SNPH: variants seen among roughly 807,000 people sequenced by gnomAD.
SNPH encodes the protein syntaphilin.
SNPH carries 10 observed loss-of-function variants against 36.8 expected under a neutral mutation model. That is an observed-to-expected ratio of 0.27 (90% CI 0.17 to 0.46). SNPH has a LOEUF of 0.46. Ranked by LOEUF, SNPH falls within the 20% of genes least tolerant of loss-of-function variation. SNPH has a pLI of 1.00. For synonymous variants in SNPH, 281 were observed against 312.2 expected (o/e 0.90, Z 1.05); for missense variants, 622 against 744.0 (o/e 0.84, Z 1.91).
At chr20:1,288,376 G>A (rs1350294989) in intron 2 of SNPH, among the ~76,000 whole-genome samples, 1 of 152,128 alleles carries the variant, frequency 6.6e-6, no homozygotes, top group South Asian at 2.1e-4. Flanking sequence ...CAGCTGAGAC[G>A]AACAGAGGTC....
intron 2 of SNPH, among the ~76,000 whole-genome samples, chr20:1,282,789 A>G (rs1015464930): frequency 6.6e-6 from 1 of 152,130 alleles, no homozygotes; most frequent in African/African-American, 2.4e-5. Context: ...TGCATGCACC[A>G]CTCAGTTCAG....
chr20:1,290,457 C>A (rs1298106773), intron 2 of SNPH, among the ~76,000 whole-genome samples: 1 of 152,194 alleles, frequency 6.6e-6, no homozygotes, highest in Non-Finnish European at 1.5e-5. Context: ...CCTTTCGTAT[C>A]TGGCTTCTTT....
intron 2 of SNPH, among the ~76,000 whole-genome samples, chr20:1,284,485 A>G (rs2088261715): frequency 6.6e-6 from 1 of 152,218 alleles, no homozygotes; most frequent in Non-Finnish European, 1.5e-5. Flanking sequence ...AAATACATAC[A>G]TAAATATGTT....
intron 2 of SNPH, among the ~76,000 whole-genome samples, chr20:1,270,271 A>G (rs1052096904): frequency 6.6e-6 from 1 of 152,174 alleles, no homozygotes; most frequent in African/African-American, 2.4e-5. Flanking sequence ...AGTTTCAAGA[A>G]GCTCATATCT....
intron 2 of SNPH, among the ~76,000 whole-genome samples, chr20:1,277,922 TGTGTGTCTGC>T (rs1255863562): frequency 7.3e-5 from 11 of 151,188 alleles, no homozygotes; most frequent in Admixed American, 1.3e-4. Flanking sequence ...TGTGTGCCTG[TGTGTGTCTGC>T]GTGTGTGCCT....
At chr20:1,281,756 T>C (rs2088226778) in intron 2 of SNPH, among the ~76,000 whole-genome samples, 1 of 152,244 alleles carries the variant, frequency 6.6e-6, no homozygotes, top group Non-Finnish European at 1.5e-5. Flanking sequence ...CGTGCTTCGA[T>C]TATGGGACTA....
intron 2 of SNPH, among the ~76,000 whole-genome samples, chr20:1,277,351 C>T (rs1025467104): frequency 3.3e-5 from 5 of 152,050 alleles, no homozygotes; most frequent in African/African-American, 4.8e-5. Context: ...GTTTCATACT[C>T]TGTGTGTGTA....
chr20:1,268,495 TC>T (rs2088034389), intron 2 of SNPH, among the ~76,000 whole-genome samples: 1 of 152,198 alleles, frequency 6.6e-6, no homozygotes, highest in Non-Finnish European at 1.5e-5. Context: ...CCTTTCTCGC[TC>T]CTCTTTATTC....
At chr20:1,283,444 T>C (rs892735480) in intron 2 of SNPH, among the ~76,000 whole-genome samples, 5 of 152,156 alleles carry the variant, frequency 3.3e-5, no homozygotes, top group Admixed American at 1.3e-4. Flanking sequence ...AGACCAGTTA[T>C]AAGAGCAAGA....
rs1341128520 is a variant in SNPH, at chr20:1,276,504, G to A, written c.-493+9744G>A. Among the ~76,000 whole-genome samples the A allele has an allele frequency of 6.6e-6, 1 of 151,882 alleles. No individual in the cohort carries two copies. Among genetic ancestry groups the A allele is most frequent in the Non-Finnish European group, 1.5e-5 (1 of 67,862 alleles). On this transcript the variant is annotated intron_variant, in intron 2 of 6. Coordinates refer to ENST00000381867, the MANE Select transcript of SNPH (RefSeq NM_001318234.2). The surrounding 1 kb of genome is among the most constrained non-coding windows in gnomAD (Gnocchi z 4.6). ...AGTCACTTAATTTATCTGACCCTTA[G>A]TACCTCAATAGTAAAAATGGGCATC...
In SNPH at chr20:1,295,967, G is replaced by A. The variant is rs780050820; in HGVS notation, c.-273G>A. Reference sequence around the variant, plus strand: ...CCTGGGGAAGAAGCAGGCCTGGCTCGTAGAGTAGAAGACTCGGTGCCGGCA... The same window carrying A: ...CCTGGGGAAGAAGCAGGCCTGGCTCATAGAGTAGAAGACTCGGTGCCGGCA... On this transcript the variant is annotated 5_prime_UTR_variant, in exon 4 of 7. Transcript: ENST00000381867. The A allele has an allele frequency of 4.7e-5, 20 of 424,130 alleles. No individual in the cohort carries two copies. Among genetic ancestry groups the A allele is most frequent in the South Asian group, 2.2e-4 (4 of 18,474 alleles). 26.3% of individuals were successfully genotyped at this position (424,130 alleles called of 1,614,324 possible). A position where few individuals can be genotyped will look rare whatever the true frequency, so the allele number is the denominator to read the frequency against.
Position 1,305,667 on chromosome 20 carries a change from G to A in SNPH, c.1230G>A (p.Val410=). The A allele has an allele frequency of 6.2e-7, 1 of 1,612,162 alleles. No homozygotes were observed. Among genetic ancestry groups the A allele is most frequent in the Non-Finnish European group, 8.5e-7 (1 of 1,179,344 alleles). ...SGPRDPNSAV[V]VTVGDELEAP... ...CCAGAGACCCCAACTCAGCAGTGGT[G>A]GTGACAGTGGGTGATGAGCTAGAGG... Residue 410 remains valine, a synonymous_variant, in exon 7 of 7, where the codon GTG becomes GTA. Transcript: ENST00000381867.
At chr20:1,286,337 A>G (rs1010849155) in intron 2 of SNPH, among the ~76,000 whole-genome samples, 6 of 152,162 alleles carry the variant, frequency 3.9e-5, no homozygotes, top group African/African-American at 1.4e-4. Context: ...AGAATTCAGC[A>G]TGGCATGGGA....
intron 2 of SNPH, among the ~76,000 whole-genome samples, chr20:1,277,657 T>C (rs975365338): frequency 1.3e-5 from 2 of 149,720 alleles, no homozygotes; most frequent in Non-Finnish European, 3.0e-5. Flanking sequence ...TGTGTCTGTG[T>C]ATCTGTGTGT....
chr20:1,301,643 A>G (rs1048368765), intron 6 of SNPH, among the ~76,000 whole-genome samples: 6 of 148,882 alleles, frequency 4.0e-5, no homozygotes, highest in Non-Finnish European at 8.9e-5. Flanking sequence ...AATTTCATAA[A>G]TATTTCTATC....
At position 1,304,616 on chromosome 20, in the gene SNPH, T is replaced by C. The variant is rs1041208487; in HGVS notation, c.441-262T>C. 6.6e-6 allele frequency among the ~76,000 whole-genome samples: 1 copy of C among 152,064 alleles called. No homozygotes were observed. Among genetic ancestry groups the C allele is most frequent in the African/African-American group, 2.4e-5 (1 of 41,392 alleles). ...GGGGGTGGTGGGGTGGGGGAGGGAATGCGAGTGGTGTCTCCTCCCAACCTT... is the reference window on the plus strand; with the variant it reads ...GGGGGTGGTGGGGTGGGGGAGGGAACGCGAGTGGTGTCTCCTCCCAACCTT... On this transcript the variant is annotated intron_variant, in intron 6 of 6. Coordinates refer to ENST00000381867, the MANE Select transcript of SNPH (RefSeq NM_001318234.2). This position sits in a 1 kb window ranked among gnomAD's most constrained non-coding sequence, Gnocchi z 4.3.
At chr20:1,277,589 AGT>A (rs1568539660) in intron 2 of SNPH, among the ~76,000 whole-genome samples, 1 of 36,154 alleles carries the variant, frequency 2.8e-5, no homozygotes, top group African/African-American at 1.2e-4. Flanking sequence ...TGTGTGTGTC[AGT>A]GTCTGTCTCT....
At chr20:1,270,575 A>C (rs1213231047) in intron 2 of SNPH, among the ~76,000 whole-genome samples, 1 of 152,240 alleles carries the variant, frequency 6.6e-6, no homozygotes, top group African/African-American at 2.4e-5. Context: ...GAAGGTGGAC[A>C]TGGAGTCTAG....
rs369350508 is a variant in SNPH, at chr20:1,305,313, C to T, written c.876C>T (p.Ala292=). 1.3e-5 allele frequency: 21 copies of T among 1,610,298 alleles called. No individual in the cohort carries two copies. Among genetic ancestry groups the T allele is most frequent in the Non-Finnish European group, 1.7e-5 (20 of 1,179,530 alleles). ...EDGADSGFAA[A]DDTLSRTDAL... The stretch of plus-strand genomic sequence containing the variant: ...GGGCAGACAGTGGCTTTGCAGCAGC[C>T]GATGACACACTGAGCCGGACGGACG... The change falls in exon 7 of 7, where the codon GCC becomes GCT. Residue 292 remains alanine, a synonymous_variant. Transcript: ENST00000381867.
Sources: allele counts gnomAD v4.1 joint callset (sites outside exome capture counted in the v4.1 genomes callset), GRCh38; gene constraint gnomAD v4.1.1; non-coding constraint Gnocchi (gnomAD v3.1); transcripts MANE v1.5; gene names NCBI Gene and HGNC (gene_info 2026-07-23, HGNC 2026-07-21).